OPCML: variants seen among roughly 807,000 people sequenced by gnomAD.
The protein encoded by OPCML is opioid binding protein/cell adhesion molecule like, also known as opioid-binding protein/cell adhesion molecule.
In OPCML, 13 loss-of-function variants were observed where a neutral mutation model predicts 37.8. That is an observed-to-expected ratio of 0.34 (90% CI 0.22 to 0.55). The LOEUF is 0.55. OPCML is among the 20% of genes least tolerant of loss of function. The probability of loss-of-function intolerance (pLI) is 0.91; values close to 1 mark genes in which losing one functional copy is unlikely to be tolerated. For missense variants in OPCML, 341 were observed against 435.6 expected (o/e 0.78, Z 1.93); for synonymous variants, 176 against 168.8 (o/e 1.04, Z -0.33).
At chr11:132,601,491 G>A (rs1045885685) in intron 3 of OPCML, among the ~76,000 whole-genome samples, 5 of 152,162 alleles carry the variant, frequency 3.3e-5, no homozygotes, top group African/African-American at 1.2e-4. Flanking sequence ...TTATATCCAC[G>A]CTACCACGTA....
chr11:133,075,491 G>C (rs1027869280), intron 1 of OPCML, among the ~76,000 whole-genome samples: 1 of 152,176 alleles, frequency 6.6e-6, no homozygotes, highest in African/African-American at 2.4e-5. Flanking sequence ...ACGCTGCCGG[G>C]AAGCAGTTCG....
At chr11:132,460,110 A>G (rs762216992) in intron 4 of OPCML, among the ~76,000 whole-genome samples, 5 of 152,198 alleles carry the variant, frequency 3.3e-5, no homozygotes, top group Non-Finnish European at 5.9e-5. Context: ...CTTTGGGCAT[A>G]CTGCTATTTC....
intron 1 of OPCML, among the ~76,000 whole-genome samples, chr11:133,138,292 G>A (rs527951162): frequency 3.3e-5 from 5 of 152,252 alleles, no homozygotes; most frequent in South Asian, 2.1e-4. Flanking sequence ...CTTTCCAGCC[G>A]CCAGAATTGT....
chr11:133,016,539 GC>G (rs1947339292), intron 1 of OPCML, among the ~76,000 whole-genome samples: 2 of 152,178 alleles, frequency 1.3e-5, no homozygotes, highest in Non-Finnish European at 2.9e-5. Flanking sequence ...ATGACACTGA[GC>G]CCACTTGGAT....
At chr11:132,793,288 T>C (rs1009955148) in intron 2 of OPCML, among the ~76,000 whole-genome samples, 5 of 152,210 alleles carry the variant, frequency 3.3e-5, no homozygotes, top group Non-Finnish European at 5.9e-5. Flanking sequence ...GGGACATGCA[T>C]TGTGCCTTTC....
intron 4 of OPCML, among the ~76,000 whole-genome samples, chr11:132,511,712 A>G (rs1009280572): frequency 9.9e-5 from 15 of 152,256 alleles, no homozygotes; most frequent in African/African-American, 2.6e-4. Context: ...AAAAAAAATG[A>G]ATCTCAAATG....
chr11:133,306,286 A>C (rs1052820997), intron 1 of OPCML, among the ~76,000 whole-genome samples: 1 of 152,224 alleles, frequency 6.6e-6, no homozygotes, highest in African/African-American at 2.4e-5. Flanking sequence ...ATAATGACGC[A>C]GCAAAATACC....
chr11:132,576,534 T>C (rs748111714), intron 3 of OPCML, among the ~76,000 whole-genome samples: 1 of 152,188 alleles, frequency 6.6e-6, no homozygotes, highest in Non-Finnish European at 1.5e-5. Flanking sequence ...TGTTCATCCA[T>C]TGTTACATTG....
intron 1 of OPCML, chr11:133,297,586 G>A (rs1942662280): frequency 6.6e-6 from 1 of 152,192 alleles, no homozygotes; most frequent in African/African-American, 2.4e-5. Flanking sequence ...TTCAGATGCT[G>A]AGAAGATTGA....
At chr11:133,223,075 A>G (rs931506920) in intron 1 of OPCML, among the ~76,000 whole-genome samples, 5 of 152,222 alleles carry the variant, frequency 3.3e-5, no homozygotes, top group African/African-American at 1.2e-4. Context: ...CAACCAGTTC[A>G]GCCAAAAGTG....
intron 2 of OPCML, among the ~76,000 whole-genome samples, chr11:132,852,252 C>T (rs1026349993): frequency 1.3e-5 from 2 of 152,104 alleles, no homozygotes; most frequent in Non-Finnish European, 2.9e-5. Flanking sequence ...GGGGCTCCCA[C>T]ATATATGCAA....
intron 1 of OPCML, among the ~76,000 whole-genome samples, chr11:133,296,256 T>C (rs1403318406): frequency 6.6e-6 from 1 of 152,208 alleles, no homozygotes; most frequent in African/African-American, 2.4e-5. Context: ...TTTCTGGTAG[T>C]AATACTCAAA....
At chr11:132,741,865 A>T (rs1279832806) in intron 2 of OPCML, among the ~76,000 whole-genome samples, 7 of 147,770 alleles carry the variant, frequency 4.7e-5, no homozygotes, top group Non-Finnish European at 1.0e-4. Flanking sequence ...CGTCTCTACT[A>T]AAAAAAACAC....
Position 133,206,911 on chromosome 11 carries a change from G to A in OPCML, c.62-263901C>T, listed in dbSNP as rs1939087752. On this transcript the variant is annotated intron_variant, in intron 1 of 7. Transcript: ENST00000524381. This position sits in a 1 kb window ranked among gnomAD's most constrained non-coding sequence, Gnocchi z 4.7. ...AGGGAGCCTGGGATCACCAATGACTGAGAAGCGAGGCCCGGATCACGTAAT... is the reference window on the plus strand; with the variant it reads ...AGGGAGCCTGGGATCACCAATGACTAAGAAGCGAGGCCCGGATCACGTAAT... 2.0e-5 allele frequency among the ~76,000 whole-genome samples: 3 copies of A among 152,142 alleles called. No homozygotes were observed. Among genetic ancestry groups the A allele is most frequent in the Non-Finnish European group, 4.4e-5 (3 of 68,028 alleles).
intron 1 of OPCML, among the ~76,000 whole-genome samples, chr11:133,441,200 G>C (rs541319450): frequency 6.6e-6 from 1 of 151,626 alleles, no homozygotes; most frequent in South Asian, 2.1e-4. Flanking sequence ...GTTACACACA[G>C]ACAGTAAAGT....
chr11:132,926,750 A>C (rs1298672557), intron 2 of OPCML, among the ~76,000 whole-genome samples: 1 of 152,180 alleles, frequency 6.6e-6, no homozygotes, highest in African/African-American at 2.4e-5. Flanking sequence ...CATAGACTTA[A>C]AACTTACCTG....
At chr11:133,107,188 G>T (rs2137083715) in intron 1 of OPCML, among the ~76,000 whole-genome samples, 1 of 152,296 alleles carries the variant, frequency 6.6e-6, no homozygotes, top group Admixed American at 6.5e-5. Context: ...TGTCAGTGGT[G>T]AACACGTGGC....
chr11:132,598,454 C>T (rs573009945), intron 3 of OPCML, among the ~76,000 whole-genome samples: 74 of 152,164 alleles, frequency 4.9e-4, no homozygotes, highest in African/African-American at 1.6e-3. Context: ...TTCCAACGCA[C>T]GCCATTTCTA....
At chr11:133,284,838 A>G (rs780426130) in intron 1 of OPCML, among the ~76,000 whole-genome samples, 35 of 152,176 alleles carry the variant, frequency 2.3e-4, no homozygotes, top group Admixed American at 7.2e-4. Flanking sequence ...CTTATGAAAT[A>G]ATTTAAAAAT....
Sources: gnomAD v4.1 joint callset for allele counts (sites outside exome capture counted in the v4.1 genomes callset) on GRCh38, gnomAD v4.1.1 for gene constraint, Gnocchi (gnomAD v3.1) non-coding constraint, MANE v1.5 for transcripts, NCBI Gene and HGNC (gene_info 2026-07-23, HGNC 2026-07-21) for gene names.